The following PACS2 variants were observed in gnomAD, a reference collection of about 807,000 sequenced individuals.
PACS2 encodes the protein phosphofurin acidic cluster sorting protein 2.
PACS2 carries 36 observed loss-of-function variants against 113.0 expected under a neutral mutation model. That is an observed-to-expected ratio of 0.32 (90% CI 0.24 to 0.42). PACS2 has a LOEUF of 0.42. Ranked by LOEUF, PACS2 falls within the 10% of genes least tolerant of loss-of-function variation. The probability of loss-of-function intolerance (pLI) is 1.00; values close to 1 mark genes in which losing one functional copy is unlikely to be tolerated. For synonymous variants in PACS2, 589 were observed against 536.1 expected (o/e 1.10, Z -1.36); for missense variants, 1,015 against 1,239.5 (o/e 0.82, Z 2.72).
intron 9 of PACS2, 45 bp from the exon 10 acceptor site, chr14:105,379,694 G>T: frequency 6.7e-7 from 1 of 1,495,060 alleles, no homozygotes; most frequent in South Asian, 1.1e-5. Flanking sequence ...GTGCAAGAAG[G>T]GTCCTGGAAA....
Position 105,376,151 on chromosome 14 carries a change from C to T in PACS2, c.802-617C>T, listed in dbSNP as rs2061345617. On this transcript the variant is annotated intron_variant, in intron 8 of 24. Transcript: ENST00000447393. This position sits in a 1 kb window ranked among gnomAD's most constrained non-coding sequence, Gnocchi z 4.7. ...GGAAACCACCCCCAGGATCCAGTTA[C>T]CTCCACTTGTCCTGCCCTTGGCACG... is the stretch of plus-strand genomic sequence containing the variant. 6.6e-6 allele frequency among the ~76,000 whole-genome samples: 1 copy of T among 152,098 alleles called. No individual in the cohort carries two copies. The highest frequency in any genetic ancestry group is 1.5e-5 in the Non-Finnish European group (1 of 68,024).
intron 1 of PACS2, among the ~76,000 whole-genome samples, chr14:105,328,654 C>G (rs587601247): frequency 6.6e-6 from 1 of 152,184 alleles, no homozygotes; most frequent in Non-Finnish European, 1.5e-5. Flanking sequence ...CGAGTCTTGG[C>G]GCGTGGGCTG....
chr14:105,394,988 G>A lies in PACS2; in HGVS notation c.*316G>A. ...TCACAGGCTGAGTTCTTGCCTCTGT[G>A]TCCTGTCCTTCCTGGAAGTCAGGAC... is the stretch of plus-strand genomic sequence containing the variant. On this transcript the variant is annotated 3_prime_UTR_variant, in exon 25 of 25. Coordinates refer to ENST00000447393, the MANE Select transcript of PACS2 (RefSeq NM_001100913.3). 3.3e-6 allele frequency: 1 copy of A among 298,764 alleles called. No individual in the cohort carries two copies. 18.5% of individuals were successfully genotyped at this position (298,764 alleles called of 1,614,324 possible).
At chr14:105,344,354 G>T (rs905908562) in intron 1 of PACS2, among the ~76,000 whole-genome samples, 1 of 151,770 alleles carries the variant, frequency 6.6e-6, no homozygotes, top group South Asian at 2.1e-4. Flanking sequence ...GCAGTGATAC[G>T]ATCTCGGCTC....
At chr14:105,328,178 AAG>A (rs1326590246) in intron 1 of PACS2, among the ~76,000 whole-genome samples, 3 of 152,198 alleles carry the variant, frequency 2.0e-5, no homozygotes, top group Non-Finnish European at 4.4e-5. Flanking sequence ...GTGCACGGAG[AAG>A]AGAGGGGTGC....
At chr14:105,367,765 T>C (rs2060991250) in intron 5 of PACS2, among the ~76,000 whole-genome samples, 1 of 152,164 alleles carries the variant, frequency 6.6e-6, no homozygotes. Context: ...GGAGACCCAG[T>C]CGGTGCAAAT....
chr14:105,317,004 A>G lies in PACS2; in HGVS notation c.119+1967A>G, dbSNP rs2058685564. On this transcript the variant is annotated intron_variant, in intron 1 of 24. Coordinates refer to ENST00000447393, the MANE Select transcript of PACS2 (RefSeq NM_001100913.3). The surrounding 1 kb of genome is among the most constrained non-coding windows in gnomAD (Gnocchi z 4.2). Reference sequence around the variant, plus strand: ...TACCTGTCCTGGAACAGGGCCCCTCATAGGCGGGCTTGCCCCTAGCTTTGC... The same window carrying G: ...TACCTGTCCTGGAACAGGGCCCCTCGTAGGCGGGCTTGCCCCTAGCTTTGC... Among the ~76,000 whole-genome samples the G allele has an allele frequency of 6.6e-6, 1 of 152,208 alleles. No individual in the cohort carries two copies. Among genetic ancestry groups the G allele is most frequent in the South Asian group, 2.1e-4 (1 of 4,836 alleles).
chr14:105,342,924 C>T (rs1555401897), intron 1 of PACS2, among the ~76,000 whole-genome samples: 3 of 142,832 alleles, frequency 2.1e-5, no homozygotes, highest in Non-Finnish European at 3.0e-5. Flanking sequence ...GACAGCAGGA[C>T]TCTGTCTTAA....
At chr14:105,380,866 C>CTTA in intron 11 of PACS2, 91 bp from the exon 12 acceptor site, 1 of 1,316,938 alleles carries the variant, frequency 7.6e-7, no homozygotes, top group Non-Finnish European at 1.0e-6. Flanking sequence ...GAGGCCTAAA[C>CTTA]CCTCACCCGA....
Position 105,359,748 on chromosome 14 carries a change from C to T in PACS2, c.423+4571C>T, listed in dbSNP as rs193210381. Reference sequence around the variant, plus strand: ...CTGGGACTACAGGCGCCCGCCACTACGCCTGGCTAATTTTCTGTATTTTTA... The same window carrying T: ...CTGGGACTACAGGCGCCCGCCACTATGCCTGGCTAATTTTCTGTATTTTTA... On this transcript the variant is annotated intron_variant, in intron 4 of 24. Transcript: ENST00000447393. Among the ~76,000 whole-genome samples the T allele has an allele frequency of 3.5e-4, 53 of 152,204 alleles. No homozygotes were observed. The East Asian group carries it at 9.4e-3, about 27-fold the overall frequency.
At chr14:105,314,202 G>C (rs994349541), upstream of PACS2, among the ~76,000 whole-genome samples, 1 of 151,986 alleles carries the variant, frequency 6.6e-6, no homozygotes, top group Non-Finnish European at 1.5e-5. Flanking sequence ...GGAGGGGCTC[G>C]GGGACGGGCG....
At chr14:105,361,240 T>C (rs1413801481) in intron 4 of PACS2, among the ~76,000 whole-genome samples, 1 of 152,238 alleles carries the variant, frequency 6.6e-6, no homozygotes, top group Non-Finnish European at 1.5e-5. Context: ...ACACCTGTCA[T>C]CCCAGCACTT....
intron 20 of PACS2, 89 bp downstream of exon 20, chr14:105,390,092 T>C (rs2081306272): frequency 8.6e-7 from 1 of 1,161,652 alleles, no homozygotes; most frequent in Non-Finnish European, 1.3e-6. Context: ...TGACTCGATA[T>C]ATTCCAGAAC....
chr14:105,380,247 A>G (rs1219270169), intron 11 of PACS2, 93 bp downstream of exon 11: 4 of 1,017,434 alleles, frequency 3.9e-6, no homozygotes, highest in Admixed American at 2.1e-5. Context: ...GGGCCCACAT[A>G]TAGGTCCTCA....
At position 105,384,370 on chromosome 14, in the gene PACS2, A is replaced by G; in HGVS notation, c.1798A>G (p.Arg600Gly). 3 of 1,605,814 alleles carry G rather than the reference A, an allele frequency of 1.9e-6. 1 individual carries two copies. The African/African-American group carries it at 4.0e-5, about 21-fold the overall frequency. Residue 600 changes from arginine to glycine, a missense_variant, in exon 17 of 25, where the codon AGG (arginine) becomes GGG (glycine). By Grantham distance (125) the Arg-to-Gly change is moderately radical. Coordinates refer to ENST00000447393, the MANE Select transcript of PACS2 (RefSeq NM_001100913.3). ...GCATGCAGGCTCCCACCCCGTGGCC[A>G]GGTACCTAGGCTCCGTGGACTACCG... Reference protein sequence around the residue: ...VIPLGSHPVARYLGSVDYRYN... With the variant: ...VIPLGSHPVAGYLGSVDYRYN...
chr14:105,383,278 C>A, intron 15 of PACS2, 81 bp from the exon 16 acceptor site: 1 of 1,519,884 alleles, frequency 6.6e-7, no homozygotes, highest in Non-Finnish European at 9.0e-7. Flanking sequence ...GCCCCCTGGG[C>A]TCACACTGGC....
intron 1 of PACS2, among the ~76,000 whole-genome samples, chr14:105,327,549 G>T (rs895793281): frequency 2.7e-4 from 41 of 152,100 alleles, no homozygotes; most frequent in Non-Finnish European, 1.2e-4. Context: ...TGCCGCTAGC[G>T]CTCGGAGCCT....
Position 105,391,268 on chromosome 14 carries a change from G to A in PACS2, c.2119+19G>A, listed in dbSNP as rs1326671808. The A allele has an allele frequency of 4.4e-6, 7 of 1,596,778 alleles. No homozygotes were observed. Among genetic ancestry groups the A allele is most frequent in the Non-Finnish European group, 6.0e-6 (7 of 1,164,600 alleles). On this transcript the variant is annotated intron_variant, in intron 21 of 24. Coordinates refer to ENST00000447393, the MANE Select transcript of PACS2 (RefSeq NM_001100913.3). ...ACATCAGGTAACCCCGTCCCACCCT[G>A]AGGCCTTGTGAGTGGCCCGTGGGTG...
chr14:105,368,646 C>A lies in PACS2; in HGVS notation c.741+107C>A. The A allele has an allele frequency of 4.9e-6, 4 of 818,658 alleles. No individual in the cohort carries two copies. In the Admixed American group the frequency reaches 5.6e-5, roughly 11 times the overall value. The allele number at this position is 818,658 out of a possible 1,614,324, so 50.7% of individuals were successfully genotyped here. A position where few individuals can be genotyped will look rare whatever the true frequency, so the allele number is the denominator to read the frequency against. The stretch of plus-strand genomic sequence containing the variant: ...GGGCGTGGGAAGTGAGATCTCACCC[C>A]AGGTCACAGCAGCATGTCCCGTGGC... On this transcript the variant is annotated intron_variant, in intron 7 of 24. Transcript: ENST00000447393.
Sources: gnomAD v4.1 joint callset for allele counts (sites outside exome capture counted in the v4.1 genomes callset) on GRCh38, gnomAD v4.1.1 for gene constraint, Gnocchi (gnomAD v3.1) non-coding constraint, MANE v1.5 for transcripts, NCBI Gene and HGNC (gene_info 2026-07-23, HGNC 2026-07-21) for gene names.